CSGALNACT1: variants seen among roughly 807,000 people sequenced by gnomAD.
The protein encoded by CSGALNACT1 is chondroitin sulfate N-acetylgalactosaminyltransferase 1.
CSGALNACT1 carries 52 observed loss-of-function variants against 51.0 expected under a neutral mutation model. The ratio of observed to expected loss-of-function variants is 1.02; its 90% confidence interval spans 0.82 to 1.29. The LOEUF is 1.29. Among genes scored for constraint, CSGALNACT1 ranks in the 50% most tolerant of loss-of-function variants. CSGALNACT1 has a pLI of 0.00. For missense variants in CSGALNACT1, 935 were observed against 679.2 expected (o/e 1.38, Z -4.19); for synonymous variants, 341 against 254.4 (o/e 1.34, Z -3.24).
intron 3 of CSGALNACT1, among the ~76,000 whole-genome samples, chr8:19,584,486 T>A (rs1018883858): frequency 6.6e-6 from 1 of 152,250 alleles, no homozygotes; most frequent in Non-Finnish European, 1.5e-5. Flanking sequence ...TTTATTTTAC[T>A]AATGTTAGCT....
chr8:19,611,003 T>A (rs1369707739), intron 1 of CSGALNACT1, among the ~76,000 whole-genome samples: 1 of 152,130 alleles, frequency 6.6e-6, no homozygotes, highest in East Asian at 1.9e-4. Context: ...CTCTAGAGCT[T>A]TGAGCAGCGG....
rs140456974 is a variant in CSGALNACT1 at position 19,717,651 on chromosome 8, C to T, written c.-297+40199G>A. On this transcript the variant is annotated intron_variant, in intron 1 of 1. Transcript: ENST00000517494. Reference sequence around the variant, plus strand: ...AGCTAATACGCCCTATTCGGGTCTCCGGTTCCCAGGACCCACTGCCCTGAG... The same window carrying T: ...AGCTAATACGCCCTATTCGGGTCTCTGGTTCCCAGGACCCACTGCCCTGAG... 7.2e-5 allele frequency among the ~76,000 whole-genome samples: 11 copies of T among 152,312 alleles called. No individual in the cohort carries two copies. In the East Asian group the frequency reaches 7.7e-4, roughly 11 times the overall value.
intron 1 of CSGALNACT1, among the ~76,000 whole-genome samples, chr8:19,717,261 A>G (rs1345979174): frequency 6.6e-6 from 1 of 152,210 alleles, no homozygotes; most frequent in African/African-American, 2.4e-5. Context: ...AGGCATATGT[A>G]TTATCATTAA....
intron 1 of CSGALNACT1, among the ~76,000 whole-genome samples, chr8:19,691,775 C>T (rs1375920285): frequency 2.0e-5 from 3 of 152,170 alleles, no homozygotes; most frequent in African/African-American, 7.2e-5. Context: ...GTAAGAGCCA[C>T]ACACTGAAGT....
intron 1 of CSGALNACT1, among the ~76,000 whole-genome samples, chr8:19,738,470 T>G (rs1218909753): frequency 6.6e-6 from 1 of 152,132 alleles, no homozygotes; most frequent in African/African-American, 2.4e-5. Context: ...TGTCAGGGGC[T>G]GGAGGATGAA....
chr8:19,618,232 C>CAGATT (rs1240623045), intron 1 of CSGALNACT1, among the ~76,000 whole-genome samples: 3 of 152,168 alleles, frequency 2.0e-5, no homozygotes, highest in Admixed American at 6.5e-5. Flanking sequence ...GAGAAATAAT[C>CAGATT]AGATTCCAGG....
rs1337763058 is a variant in CSGALNACT1, at chr8:19,505,661, C to G, written c.174G>C (p.Gln58His). 16 of 1,614,068 alleles carry G rather than the reference C, an allele frequency of 9.9e-6. No individual in the cohort carries two copies. The Admixed American group carries it at 2.7e-4, about 27-fold the overall frequency. Residue 58 changes from glutamine to histidine, a missense_variant, in exon 4 of 10, where the codon CAG (glutamine) becomes CAC (histidine). Transcript: ENST00000454498. ...GCTCCTCCCACTCCTGAAGGACGGC[C>G]TGGTACCCCTCCTTCCCCGTGGGGC...
At chr8:19,664,832 A>C (rs2059057893) in intron 1 of CSGALNACT1, among the ~76,000 whole-genome samples, 2 of 152,236 alleles carry the variant, frequency 1.3e-5, no homozygotes, top group Admixed American at 1.3e-4. Context: ...TGTGAGCTAA[A>C]TAATGTATAT....
intron 8 of CSGALNACT1, among the ~76,000 whole-genome samples, chr8:19,414,131 G>T (rs1410061120): frequency 6.6e-6 from 1 of 152,174 alleles, no homozygotes; most frequent in Non-Finnish European, 1.5e-5. Context: ...ATGGAAATTG[G>T]CAAATGCTAT....
At chr8:19,732,004 C>T (rs1370131682) in intron 1 of CSGALNACT1, among the ~76,000 whole-genome samples, 1 of 152,186 alleles carries the variant, frequency 6.6e-6, no homozygotes, top group African/African-American at 2.4e-5. Context: ...ACGCAGAAAA[C>T]AAGACCATTT....
At position 19,546,489 on chromosome 8, in the gene CSGALNACT1, G is replaced by C. The variant is rs2086504278; in HGVS notation, c.-296-40359C>G. On this transcript the variant is annotated intron_variant, in intron 3 of 9. Transcript: ENST00000454498. ...TGCCTCACTACTCTTCAATGAAATA[G>C]GGAAGTATCACTAAGAATTAAGGAT... is the stretch of plus-strand genomic sequence containing the variant. 4.6e-5 allele frequency among the ~76,000 whole-genome samples: 7 copies of C among 152,248 alleles called. No homozygotes were observed. In the South Asian group the frequency reaches 1.5e-3, roughly 32 times the overall value.
intron 1 of CSGALNACT1, among the ~76,000 whole-genome samples, chr8:19,672,264 AGAG>A (rs2059851867): frequency 6.6e-6 from 1 of 152,228 alleles, no homozygotes; most frequent in Non-Finnish European, 1.5e-5. Context: ...TCTATGTATC[AGAG>A]GAGAACTCTT....
intron 1 of CSGALNACT1, among the ~76,000 whole-genome samples, chr8:19,658,244 C>G (rs2058463012): frequency 6.6e-6 from 1 of 152,032 alleles, no homozygotes; most frequent in Non-Finnish European, 1.5e-5. Flanking sequence ...AGGTAGCTGT[C>G]TGGAAGCCCC....
At chr8:19,575,972 C>G (rs553145147) in intron 3 of CSGALNACT1, among the ~76,000 whole-genome samples, 1 of 152,142 alleles carries the variant, frequency 6.6e-6, no homozygotes, top group African/African-American at 2.4e-5. Flanking sequence ...ATGCCCAATT[C>G]TAAGTTCCCC....
intron 3 of CSGALNACT1, among the ~76,000 whole-genome samples, chr8:19,545,073 G>A (rs1030018716): frequency 2.0e-5 from 3 of 152,026 alleles, no homozygotes; most frequent in African/African-American, 7.2e-5. Flanking sequence ...ACTCCTGGGA[G>A]TTGTTCTGAA....
At chr8:19,435,307 A>G (rs919039558) in intron 6 of CSGALNACT1, among the ~76,000 whole-genome samples, 3 of 152,222 alleles carry the variant, frequency 2.0e-5, no homozygotes, top group East Asian at 1.9e-4. Flanking sequence ...ATCCTGGCCA[A>G]CTTGGTGAAA....
At chr8:19,428,571 G>A (rs1403090978) in intron 6 of CSGALNACT1, among the ~76,000 whole-genome samples, 1 of 152,168 alleles carries the variant, frequency 6.6e-6, no homozygotes, top group Non-Finnish European at 1.5e-5. Context: ...ACTTCGGTGG[G>A]AACACAGCCA....
chr8:19,668,551 A>T (rs186228906), intron 1 of CSGALNACT1, among the ~76,000 whole-genome samples: 18 of 152,266 alleles, frequency 1.2e-4, no homozygotes, highest in Non-Finnish European at 1.9e-4. Context: ...CTAAAATGCC[A>T]ATCTATTTTA....
At chr8:19,517,564 G>C (rs891280235) in intron 3 of CSGALNACT1, among the ~76,000 whole-genome samples, 3 of 152,192 alleles carry the variant, frequency 2.0e-5, no homozygotes, top group African/African-American at 7.2e-5. Context: ...ACGTGCCCGA[G>C]AGTGGGTCAT....
Sources: allele counts gnomAD v4.1 joint callset (sites outside exome capture counted in the v4.1 genomes callset), GRCh38; gene constraint gnomAD v4.1.1; transcripts MANE v1.5; gene names NCBI Gene and HGNC (gene_info 2026-07-23, HGNC 2026-07-21).